ZNF586: variants seen among roughly 807,000 people sequenced by gnomAD.
The protein encoded by ZNF586 is zinc finger protein 586.
Under a neutral mutation model 6.7 loss-of-function variants are expected in ZNF586, and 7 were observed. The observed-to-expected ratio is 1.04, with a 90% CI of 0.59 to 1.95. The LOEUF (loss-of-function observed/expected upper bound fraction) is 1.95. Among genes scored for constraint, ZNF586 ranks in the 30% most tolerant of loss-of-function variants. The probability of loss-of-function intolerance (pLI) is 0.00; values close to 1 mark genes in which losing one functional copy is unlikely to be tolerated. For synonymous variants in ZNF586, 166 were observed against 168.7 expected (o/e 0.98, Z 0.12); for missense variants, 442 against 489.6 (o/e 0.90, Z 0.92).
intron 1 of ZNF586, among the ~76,000 whole-genome samples, chr19:57,773,904 G>A (rs1183572359): frequency 6.6e-6 from 1 of 152,170 alleles, no homozygotes; most frequent in Non-Finnish European, 1.5e-5. Context: ...GGCTTTGAAT[G>A]GGGTTAGGTG....
chr19:57,770,157 C>CT (rs56139513), intron 1 of ZNF586, among the ~76,000 whole-genome samples: 72,050 of 127,800 alleles, frequency 0.56, 21,353 homozygotes, highest in South Asian at 0.79. Context: ...GGAGTTATTT[C>CT]TTTTTTTTTT....
chr19:57,773,156 C>T (rs1265891254), intron 1 of ZNF586, among the ~76,000 whole-genome samples: 1 of 152,108 alleles, frequency 6.6e-6, no homozygotes, highest in Non-Finnish European at 1.5e-5. Context: ...CACATAGATG[C>T]AAATATCTGG....
At chr19:57,770,308 C>T (rs948557608) in intron 1 of ZNF586, among the ~76,000 whole-genome samples, 2 of 151,978 alleles carry the variant, frequency 1.3e-5, no homozygotes, top group Admixed American at 1.3e-4. Context: ...AGGCATGCGC[C>T]ACCACGGGGT....
At position 57,779,585 on chromosome 19, in the gene ZNF586, T is replaced by C; in HGVS notation, c.998T>C (p.Ile333Thr). 1.2e-6 allele frequency: 2 copies of C among 1,613,408 alleles called. No individual in the cohort carries two copies. Among genetic ancestry groups the C allele is most frequent in the Middle Eastern group, 1.7e-4 (1 of 6,056 alleles). The part of the protein sequence containing the change: ...GKSFSRKSSL[I>T]IHLRVHTGER... The stretch of plus-strand genomic sequence containing the variant: ...TCCTTTAGCCGAAAATCTAGCCTTA[T>C]TATACATCTGAGAGTTCACACTGGA... The change falls in exon 3 of 3, where the codon ATT becomes ACT. Residue 333 changes from isoleucine to threonine, a missense_variant. Transcript: ENST00000396154.
At chr19:57,769,941 G>C (rs1335706452) in intron 1 of ZNF586, 63 bp downstream of exon 1, 1 of 1,345,040 alleles carries the variant, frequency 7.4e-7, no homozygotes, top group Non-Finnish European at 9.8e-7. Context: ...GCCCCTGATC[G>C]TGAGGGCCGC....
At position 57,779,228 on chromosome 19, in the gene ZNF586, C is replaced by T. The variant is rs1987317836; in HGVS notation, c.641C>T (p.Ser214Phe). Residue 214 changes from serine to phenylalanine, a missense_variant, in exon 3 of 3, where the codon TCC becomes TTC. By Grantham distance (155) the Ser-to-Phe change is radical. Coordinates refer to ENST00000396154, the MANE Select transcript of ZNF586 (RefSeq NM_017652.4). ...KRYECNECGK[S>F]FAYTSSLIKH... ...TATGAATGCAATGAATGTGGGAAGTCCTTTGCTTATACATCTAGTCTCATT... is the reference window on the plus strand; with the variant it reads ...TATGAATGCAATGAATGTGGGAAGTTCTTTGCTTATACATCTAGTCTCATT... 1 of 1,613,932 alleles carries T rather than the reference C, an allele frequency of 6.2e-7. No homozygotes were observed. Among genetic ancestry groups the T allele is most frequent in the African/African-American group, 1.3e-5 (1 of 74,934 alleles).
At chr19:57,773,710 A>C (rs1484246958) in intron 1 of ZNF586, among the ~76,000 whole-genome samples, 1 of 152,204 alleles carries the variant, frequency 6.6e-6, no homozygotes, top group East Asian at 1.9e-4. Context: ...GACGCATAGG[A>C]GTAGCTGAGG....
intron 2 of ZNF586, among the ~76,000 whole-genome samples, chr19:57,778,191 C>A (rs918734097): frequency 2.0e-5 from 3 of 151,952 alleles, no homozygotes; most frequent in African/African-American, 7.3e-5. Context: ...CCTGCCTCAG[C>A]CTCCCGAGTA....
rs769953678 is a variant in ZNF586 at position 57,778,805 on chromosome 19, T to A, written c.218T>A (p.Ile73Lys). 4 of 1,613,914 alleles carry A rather than the reference T, an allele frequency of 2.5e-6. No homozygotes were observed. The highest frequency in any genetic ancestry group is 3.4e-6 in the Non-Finnish European group (4 of 1,179,980). Residue 73 changes from isoleucine to lysine, a missense_variant, in exon 3 of 3, where the codon ATA (isoleucine) becomes AAA (lysine). Physicochemically the swap from Ile to Lys is moderately radical, Grantham distance 102. Transcript: ENST00000396154. ...GCACCTTCTAAGCAGAGCACGTGTA[T>A]ACATATATACAAAGACCAGGGAGGT... ...EAAPSKQSTC[I>K]HIYKDQGGHS... is the part of the protein sequence containing the mutation.
At chr19:57,775,600 CT>C (rs563657252) in intron 1 of ZNF586, among the ~76,000 whole-genome samples, 1,646 of 122,726 alleles carry the variant, frequency 0.013, 16 homozygotes, top group African/African-American at 0.041. Context: ...CCTGGTTGCT[CT>C]TTTTTTTTTT....
intron 1 of ZNF586, among the ~76,000 whole-genome samples, chr19:57,770,371 C>T (rs1238723413): frequency 2.0e-5 from 3 of 152,022 alleles, no homozygotes; most frequent in African/African-American, 4.8e-5. Context: ...GTGATCCGCC[C>T]ACCTCGGCCT....
intron 1 of ZNF586, among the ~76,000 whole-genome samples, chr19:57,774,571 T>A (rs923498650): frequency 1.2e-4 from 17 of 142,950 alleles, no homozygotes; most frequent in Middle Eastern, 3.6e-3. Flanking sequence ...AATAAATAAA[T>A]AAAAAGTCAT....
Position 57,776,654 on chromosome 19 carries a change from C to G in ZNF586, c.148C>G (p.Leu50Val), listed in dbSNP as rs767394795. The G allele has an allele frequency of 6.2e-7, 1 of 1,605,960 alleles. No homozygotes were observed. The highest frequency in any genetic ancestry group is 2.2e-5 in the East Asian group (1 of 44,766). ...YRDVMLETLT[L>V]ISSLGCWHGG... ...TGACGTGATGCTGGAGACCTTGACA[C>G]TTATATCCTCCCTGGGTAAGGTACT... The change falls in exon 2 of 3, where the codon CTT becomes GTT. Residue 50 changes from leucine (L) to valine (V), a missense_variant. Leu to Val is a conservative substitution (Grantham distance 32). Transcript: ENST00000396154.
intron 1 of ZNF586, among the ~76,000 whole-genome samples, chr19:57,770,752 C>A (rs891364007): frequency 6.6e-6 from 1 of 152,192 alleles, no homozygotes; most frequent in East Asian, 1.9e-4. Context: ...TTTTGGCACA[C>A]CTCATGGCTA....
rs1244090802 is a variant in ZNF586 at position 57,769,692 on chromosome 19, C to T, written c.-151C>T. The T allele has an allele frequency of 7.3e-6, 6 of 825,640 alleles. No homozygotes were observed. The highest frequency in any genetic ancestry group is 1.2e-5 in the Non-Finnish European group (6 of 518,652). The allele number at this position is 825,640 out of a possible 1,614,324, so 51.1% of individuals were successfully genotyped here. A position where few individuals can be genotyped will look rare whatever the true frequency, so the allele number is the denominator to read the frequency against. ...GCCATTTTGGCCTGTCAGGTCCATC[C>T]GGCGATGCTGGGTCTGGACGAGCTC... On this transcript the variant is annotated 5_prime_UTR_variant, in exon 1 of 3. Transcript: ENST00000396154.
At chr19:57,770,377 G>A (rs1219428556) in intron 1 of ZNF586, among the ~76,000 whole-genome samples, 2 of 151,990 alleles carry the variant, frequency 1.3e-5, no homozygotes, top group African/African-American at 4.8e-5. Context: ...CGCCCACCTC[G>A]GCCTCCCAAA....
intron 1 of ZNF586, among the ~76,000 whole-genome samples, chr19:57,773,483 A>G (rs546952045): frequency 6.2e-5 from 9 of 145,286 alleles, no homozygotes; most frequent in African/African-American, 2.1e-4. Flanking sequence ...GGCTCACTGC[A>G]ACCTCCGCCT....
chr19:57,771,050 C>G (rs1206993806), intron 1 of ZNF586, among the ~76,000 whole-genome samples: 1 of 151,900 alleles, frequency 6.6e-6, no homozygotes, highest in Non-Finnish European at 1.5e-5. Flanking sequence ...GCCTGTAATC[C>G]TAGCACTTTG....
At chr19:57,776,186 A>G (rs1335026756) in intron 1 of ZNF586, among the ~76,000 whole-genome samples, 1 of 152,182 alleles carries the variant, frequency 6.6e-6, no homozygotes, top group East Asian at 1.9e-4. Context: ...GTGGTGTCCA[A>G]AGATGGGAAG....
Sources: allele counts gnomAD v4.1 joint callset (sites outside exome capture counted in the v4.1 genomes callset), GRCh38; gene constraint gnomAD v4.1.1; transcripts MANE v1.5; gene names NCBI Gene and HGNC (gene_info 2026-07-23, HGNC 2026-07-21).